Variants in TCAIM observed in about 807,000 individuals in gnomAD.
TCAIM encodes the protein T cell activation inhibitor, mitochondrial.
A neutral mutation model predicts 58.6 loss-of-function variants in TCAIM; 36 were observed. The ratio of observed to expected loss-of-function variants is 0.61; its 90% CI spans 0.47 to 0.81. The LOEUF (loss-of-function observed/expected upper bound fraction) is 0.81, where lower values mean the gene tolerates loss of function less well. TCAIM is among the 30% of genes least tolerant of loss of function. The pLI is 0.00. For synonymous variants in TCAIM, 172 were observed against 193.6 expected (o/e 0.89, Z 0.93); for missense variants, 466 against 579.6 (o/e 0.80, Z 2.01).
chr3:44,360,012 C>T (rs1260181670), intron 3 of TCAIM, among the ~76,000 whole-genome samples: 1 of 152,156 alleles, frequency 6.6e-6, no homozygotes, highest in African/African-American at 2.4e-5. Flanking sequence ...CCAGATATCC[C>T]AGATATGGCT....
At chr3:44,347,014 G>C (rs1238556791) in intron 1 of TCAIM, among the ~76,000 whole-genome samples, 1 of 152,164 alleles carries the variant, frequency 6.6e-6, no homozygotes, top group Non-Finnish European at 1.5e-5. Context: ...GGTTTAGTCA[G>C]GATGGTAAAA....
chr3:44,399,712 T>C (rs1389614605), intron 8 of TCAIM, among the ~76,000 whole-genome samples: 3 of 152,226 alleles, frequency 2.0e-5, no homozygotes, highest in African/African-American at 7.2e-5. Flanking sequence ...TCTTACTTAA[T>C]GTTTAAGATT....
chr3:44,385,979 A>G (rs139423353), intron 5 of TCAIM, among the ~76,000 whole-genome samples: 1 of 152,274 alleles, frequency 6.6e-6, no homozygotes, highest in Non-Finnish European at 1.5e-5. Flanking sequence ...AACAGTAGCC[A>G]GCAACTTATA....
intron 7 of TCAIM, 122 bp from the exon 8 acceptor site, chr3:44,396,621 G>A: frequency 7.1e-7 from 1 of 1,407,556 alleles, no homozygotes; most frequent in Non-Finnish European, 9.7e-7. Flanking sequence ...GAATAAAGCA[G>A]TGGCATAAAA....
chr3:44,377,955 A>G (rs1701592321), intron 5 of TCAIM, among the ~76,000 whole-genome samples: 1 of 152,242 alleles, frequency 6.6e-6, no homozygotes, highest in South Asian at 2.1e-4. Context: ...TTACATAATT[A>G]AACTAGAGCT....
At chr3:44,367,786 CAT>C (rs1701405141) in intron 5 of TCAIM, 78 bp downstream of exon 5, 1 of 1,357,892 alleles carries the variant, frequency 7.4e-7, no homozygotes, top group Non-Finnish European at 9.7e-7. Flanking sequence ...ATGGCAAAAA[CAT>C]TTTTTTATAA....
At chr3:44,359,504 TG>T (rs1465290921) in intron 3 of TCAIM, 1 of 152,266 alleles carries the variant, frequency 6.6e-6, no homozygotes, top group Non-Finnish European at 1.5e-5. Context: ...CTTGGGTATT[TG>T]GGGAGCTGAG....
In TCAIM at chr3:44,358,076, C is replaced by T. The variant is rs1012583018; in HGVS notation, c.165+200C>T. ...GAAAGCTGTCATTGTTTTGTGCAGGCAATAAAGCTGTCATTTAAACTCTTT... is the reference window on the plus strand; with the variant it reads ...GAAAGCTGTCATTGTTTTGTGCAGGTAATAAAGCTGTCATTTAAACTCTTT... On this transcript the variant is annotated intron_variant, in intron 3 of 10. Transcript: ENST00000342649. 2.6e-5 allele frequency: 36 copies of T among 1,359,686 alleles called. No homozygotes were observed. The African/African-American group carries it at 4.9e-4, about 18-fold the overall frequency. The allele number at this position is 1,359,686 out of a possible 1,614,324, so 84.2% of individuals were successfully genotyped here.
intron 5 of TCAIM, among the ~76,000 whole-genome samples, chr3:44,368,051 CTA>C (rs1358923483): frequency 2.3e-4 from 35 of 152,142 alleles, no homozygotes; most frequent in African/African-American, 6.8e-4. Context: ...ATACCTAAGA[CTA>C]TACAAATATT....
At chr3:44,370,557 A>G (rs1215472083) in intron 5 of TCAIM, among the ~76,000 whole-genome samples, 1 of 151,652 alleles carries the variant, frequency 6.6e-6, no homozygotes, top group Non-Finnish European at 1.5e-5. Flanking sequence ...CAGCTATTTT[A>G]TCTTTACAGA....
At position 44,401,797 on chromosome 3, in the gene TCAIM, G is replaced by A. The variant is rs573221243; in HGVS notation, c.1250+463G>A. Among the ~76,000 whole-genome samples, 58 of 151,474 alleles carry A rather than the reference G, an allele frequency of 3.8e-4. 1 individual carries two copies. The highest frequency in any genetic ancestry group is 7.7e-4 in the Non-Finnish European group (52 of 67,820). ...TGTAATCCCAGCACTTGGGGAGGCC[G>A]AGGCAGGCAGATCACTTGTGAGGTC... On this transcript the variant is annotated intron_variant, in intron 10 of 10. Coordinates refer to ENST00000342649, the MANE Select transcript of TCAIM (RefSeq NM_173826.4).
chr3:44,373,687 G>A (rs969681616), intron 5 of TCAIM, among the ~76,000 whole-genome samples: 15 of 151,968 alleles, frequency 9.9e-5, no homozygotes, highest in African/African-American at 2.2e-4. Flanking sequence ...ATTTTAATAC[G>A]TAAGTAGTTT....
intron 5 of TCAIM, among the ~76,000 whole-genome samples, chr3:44,387,046 T>C (rs1701754671): frequency 6.6e-6 from 1 of 152,182 alleles, no homozygotes; most frequent in Non-Finnish European, 1.5e-5. Flanking sequence ...AATCCTCCTT[T>C]CTGAGCACAT....
intron 3 of TCAIM, 67 bp from the exon 4 acceptor site, chr3:44,361,294 TTAGA>T: frequency 1.5e-6 from 2 of 1,337,040 alleles, no homozygotes; most frequent in Non-Finnish European, 2.0e-6. Flanking sequence ...GTTTAAAAGG[TTAGA>T]TAGATATCAT....
chr3:44,376,360 A>G (rs1164551592), intron 5 of TCAIM, among the ~76,000 whole-genome samples: 1 of 152,230 alleles, frequency 6.6e-6, no homozygotes, highest in Non-Finnish European at 1.5e-5. Context: ...TAAAAAATAT[A>G]TTTATTAAAA....
At chr3:44,403,977 C>T (rs1195340835) in intron 10 of TCAIM, among the ~76,000 whole-genome samples, 1 of 152,170 alleles carries the variant, frequency 6.6e-6, no homozygotes, top group Non-Finnish European at 1.5e-5. Flanking sequence ...CTGCCCAGTG[C>T]CCACAGACCC....
chr3:44,378,684 G>A (rs1431662245), intron 5 of TCAIM, among the ~76,000 whole-genome samples: 1 of 151,824 alleles, frequency 6.6e-6, no homozygotes, highest in Non-Finnish European at 1.5e-5. Context: ...GGTGGCAGGT[G>A]CCTGTAATCT....
rs2125656844 is a variant in TCAIM, at chr3:44,401,183, T to G, written c.1119-20T>G. 1 of 1,612,796 alleles carries G rather than the reference T, an allele frequency of 6.2e-7. No individual in the cohort carries two copies. The highest frequency in any genetic ancestry group is 1.1e-5 in the South Asian group (1 of 90,940). ...AGGAGAGGGTCAGTGGTTTTTCCTTTAATGTATATTTTATTGCAGTGACAG... is the reference window on the plus strand; with the variant it reads ...AGGAGAGGGTCAGTGGTTTTTCCTTGAATGTATATTTTATTGCAGTGACAG... On this transcript the variant is annotated intron_variant, in intron 9 of 10. Transcript: ENST00000342649.
intron 4 of TCAIM, among the ~76,000 whole-genome samples, chr3:44,366,752 C>T (rs542691471): frequency 1.2e-3 from 187 of 151,958 alleles, no homozygotes; most frequent in Non-Finnish European, 2.3e-3. Flanking sequence ...AGGCATGAGC[C>T]ACCGCGCCCG....
Sources: gnomAD v4.1 joint callset for allele counts (sites outside exome capture counted in the v4.1 genomes callset) on GRCh38, gnomAD v4.1.1 for gene constraint, MANE v1.5 for transcripts, NCBI Gene and HGNC (gene_info 2026-07-23, HGNC 2026-07-21) for gene names.